Variants in ORC4 observed in about 807,000 individuals in gnomAD.
The protein encoded by ORC4 is origin recognition complex, subunit 4 homolog.
Under a neutral mutation model 63.9 loss-of-function variants are expected in ORC4, and 55 were observed. The ratio of observed to expected loss-of-function variants is 0.86; its 90% CI spans 0.69 to 1.08. ORC4 has a LOEUF of 1.08. ORC4 is among the 50% of genes least tolerant of loss of function. ORC4 has a pLI of 0.00. For missense variants in ORC4, 511 were observed against 504.4 expected, an observed-to-expected ratio of 1.01 and a Z score of -0.13; for synonymous variants, 150 against 168.5, an observed-to-expected ratio of 0.89 and a Z score of 0.85.
chr2:147,945,697 C>T (rs1213202611), intron 9 of ORC4, among the ~76,000 whole-genome samples: 1 of 152,074 alleles, frequency 6.6e-6, no homozygotes, highest in Non-Finnish European at 1.5e-5. Flanking sequence ...TCAATCTTAT[C>T]CTGAAGATAT....
intron 1 of ORC4, among the ~76,000 whole-genome samples, chr2:148,016,315 CTGTT>C (rs1040850903): frequency 3.9e-5 from 6 of 152,186 alleles, no homozygotes; most frequent in Non-Finnish European, 7.3e-5. Flanking sequence ...GCCATGGTAA[CTGTT>C]TGCTGGTCTG....
intron 4 of ORC4, among the ~76,000 whole-genome samples, chr2:147,970,525 C>T (rs935227675): frequency 2.0e-5 from 3 of 149,768 alleles, no homozygotes; most frequent in Admixed American, 2.0e-4. Context: ...AAAACAGAAC[C>T]ACATAAACAT....
chr2:147,961,867 T>C (rs917748373), intron 4 of ORC4, among the ~76,000 whole-genome samples: 1 of 152,146 alleles, frequency 6.6e-6, no homozygotes, highest in Non-Finnish European at 1.5e-5. Flanking sequence ...TAGGGGTTTA[T>C]GAAAAGGTGC....
intron 1 of ORC4, among the ~76,000 whole-genome samples, chr2:147,992,871 A>G (rs1368326589): frequency 6.6e-6 from 1 of 152,148 alleles, no homozygotes; most frequent in Non-Finnish European, 1.5e-5. Flanking sequence ...CTTTCCCCAA[A>G]GCCAGCCACA....
At chr2:147,954,484 T>C (rs140499620) in intron 7 of ORC4, among the ~76,000 whole-genome samples, 2 of 152,236 alleles carry the variant, frequency 1.3e-5, no homozygotes, top group East Asian at 3.9e-4. Flanking sequence ...TGTAACACAA[T>C]GCGAAGTATT....
At chr2:147,996,347 A>C (rs549338764) in intron 1 of ORC4, among the ~76,000 whole-genome samples, 1 of 152,196 alleles carries the variant, frequency 6.6e-6, no homozygotes, top group African/African-American at 2.4e-5. Flanking sequence ...AATGTAACAC[A>C]AAAGAAAATC....
At chr2:147,940,610 A>G (rs1308630343) in intron 10 of ORC4, among the ~76,000 whole-genome samples, 1 of 151,818 alleles carries the variant, frequency 6.6e-6, no homozygotes, top group Non-Finnish European at 1.5e-5. Context: ...ACTGTGGTAT[A>G]TATATACTAT....
rs1164519398 is a variant in ORC4 at position 147,970,628 on chromosome 2, G to GA, written c.225+2110dup. On this transcript the variant is annotated intron_variant, in intron 4 of 13. Transcript: ENST00000392857. Reference sequence around the variant, plus strand: ...GGCATTCATTTGCAAAAAAAAAAAAGAAAAAAAAACGAATCTAAACACAGA... The same window carrying GA: ...GGCATTCATTTGCAAAAAAAAAAAAGAAAAAAAAAACGAATCTAAACACAGA... Among the ~76,000 whole-genome samples the GA allele has an allele frequency of 8.8e-3, 1,134 of 128,680 alleles. 21 individuals are homozygous for GA. The highest frequency in any genetic ancestry group is 0.029 in the African/African-American group (1,038 of 35,382). The allele number at this position is 128,680 out of a possible 152,430, so 84.4% of individuals were successfully genotyped here.
chr2:147,953,875 C>T (rs905814034), intron 7 of ORC4, among the ~76,000 whole-genome samples: 15 of 152,140 alleles, frequency 9.9e-5, no homozygotes, highest in African/African-American at 3.6e-4. Context: ...TGACTTAATA[C>T]TGGTACAAAA....
intron 4 of ORC4, among the ~76,000 whole-genome samples, chr2:147,967,170 G>GA (rs575766244): frequency 5.3e-5 from 8 of 151,352 alleles, no homozygotes; most frequent in South Asian, 2.1e-4. Context: ...AAAAGGTATA[G>GA]AAAAAAAACA....
Position 147,955,254 on chromosome 2 carries a change from T to A in ORC4, c.436+93A>T, listed in dbSNP as rs909355324. ...TGTTTCTGTATTTTATGAGAGCTTT[T>A]TTTTTTGGCAAAAGCTTGTATTACC... is the stretch of plus-strand genomic sequence containing the variant. On this transcript the variant is annotated intron_variant, in intron 7 of 13. Coordinates refer to ENST00000392857, the MANE Select transcript of ORC4 (RefSeq NM_181741.4). 8 of 807,176 alleles carry A rather than the reference T, an allele frequency of 9.9e-6. No homozygotes were observed. In the African/African-American group the frequency reaches 1.4e-4, roughly 14 times the overall value. The allele number at this position is 807,176 out of a possible 1,614,324, so 50.0% of individuals were successfully genotyped here.
At chr2:147,941,879 T>A (rs561524046) in intron 10 of ORC4, among the ~76,000 whole-genome samples, 1 of 151,838 alleles carries the variant, frequency 6.6e-6, no homozygotes, top group East Asian at 1.9e-4. Context: ...CTTTTGACAA[T>A]AGAAGAAAAG....
At chr2:147,960,206 G>A (rs1689510165) in intron 4 of ORC4, 4 of 964,736 alleles carry the variant, frequency 4.1e-6, no homozygotes, top group Admixed American at 6.2e-5. Flanking sequence ...AAGGAGAGTT[G>A]TAACAGATTT....
chr2:147,966,518 A>G (rs1689902420), intron 4 of ORC4, among the ~76,000 whole-genome samples: 1 of 152,102 alleles, frequency 6.6e-6, no homozygotes, highest in African/African-American at 2.4e-5. Flanking sequence ...AAGAAAAAGG[A>G]GACATCAAAC....
chr2:147,939,124 A>G lies in ORC4; in HGVS notation c.958+16T>C. 1 of 1,459,138 alleles carries G rather than the reference A, an allele frequency of 6.9e-7. No homozygotes were observed. Among genetic ancestry groups the G allele is most frequent in the East Asian group, 2.3e-5 (1 of 44,066 alleles). 90.4% of individuals were successfully genotyped at this position (1,459,138 alleles called of 1,614,324 possible). A position where few individuals can be genotyped will look rare whatever the true frequency, so the allele number is the denominator to read the frequency against. Reference sequence around the variant, plus strand: ...TTTTAAAAACCACAATTTAAAAAATAAGGCTGGGTTCTCACCATGTACAAT... The same window carrying G: ...TTTTAAAAACCACAATTTAAAAAATGAGGCTGGGTTCTCACCATGTACAAT... On this transcript the variant is annotated intron_variant, in intron 11 of 13. Coordinates refer to ENST00000392857, the MANE Select transcript of ORC4 (RefSeq NM_181741.4).
intron 1 of ORC4, among the ~76,000 whole-genome samples, chr2:147,978,823 G>A (rs965735580): frequency 7.2e-5 from 11 of 152,156 alleles, no homozygotes; most frequent in African/African-American, 2.7e-4. Flanking sequence ...ATCTATAAAT[G>A]TGATATAATG....
At chr2:147,947,886 G>A (rs1688742797) in intron 9 of ORC4, 165 bp downstream of exon 9, 1 of 570,446 alleles carries the variant, frequency 1.8e-6, no homozygotes, top group East Asian at 3.0e-5. Flanking sequence ...CATTTCAACT[G>A]TCTAAGAAGA....
In ORC4 at chr2:147,935,304, A is replaced by T. The variant is rs1345402783; in HGVS notation, c.*206T>A. ...ATTTTATTCTTCTGAACAGCTACTT[A>T]CAAAGTAATCTCAATCAGTGAAATT... On this transcript the variant is annotated 3_prime_UTR_variant, in exon 14 of 14. Coordinates refer to ENST00000392857, the MANE Select transcript of ORC4 (RefSeq NM_181741.4). The T allele has an allele frequency of 3.4e-6, 2 of 582,986 alleles. No homozygotes were observed. Among genetic ancestry groups the T allele is most frequent in the Non-Finnish European group, 6.2e-6 (2 of 325,024 alleles). 36.1% of individuals were successfully genotyped at this position (582,986 alleles called of 1,614,324 possible). A position where few individuals can be genotyped will look rare whatever the true frequency, so the allele number is the denominator to read the frequency against.
intron 1 of ORC4, among the ~76,000 whole-genome samples, chr2:147,994,691 A>C (rs1691830678): frequency 6.6e-6 from 1 of 152,220 alleles, no homozygotes; most frequent in African/African-American, 2.4e-5. Flanking sequence ...AAAAATCTAA[A>C]AATGGATCAC....
Sources: allele counts gnomAD v4.1 joint callset (sites outside exome capture counted in the v4.1 genomes callset), GRCh38; gene constraint gnomAD v4.1.1; transcripts MANE v1.5; gene names NCBI Gene and HGNC (gene_info 2026-07-23, HGNC 2026-07-21).